The following ACBD5 variants were observed in gnomAD, a reference collection of about 807,000 sequenced individuals.
ACBD5 encodes the protein acyl-CoA-binding domain-containing protein 5.
In ACBD5, 40 loss-of-function variants were observed where a neutral mutation model predicts 71.8. The ratio of observed to expected loss-of-function variants is 0.56; its 90% CI spans 0.43 to 0.72. ACBD5 has a LOEUF of 0.72. ACBD5 is among the 30% of genes least tolerant of loss of function. ACBD5 has a pLI of 0.00. For missense variants in ACBD5, 559 were observed against 644.5 expected (o/e 0.87, Z 1.44); for synonymous variants, 229 against 218.6 (o/e 1.05, Z -0.42).
chr10:27,204,836 T>C (rs1235957308), intron 11 of ACBD5, among the ~76,000 whole-genome samples: 1 of 152,142 alleles, frequency 6.6e-6, no homozygotes, highest in Non-Finnish European at 1.5e-5. Context: ...TTGTAACATA[T>C]GAAACCATGG....
At chr10:27,190,487 A>G (rs1369118020), downstream of ACBD5, among the ~76,000 whole-genome samples, 1 of 152,180 alleles carries the variant, frequency 6.6e-6, no homozygotes, top group Non-Finnish European at 1.5e-5. Context: ...TGGAATATGT[A>G]CTTTAATTTT....
intron 12 of ACBD5, among the ~76,000 whole-genome samples, chr10:27,201,680 G>A (rs2059942124): frequency 6.6e-6 from 1 of 152,018 alleles, no homozygotes; most frequent in Non-Finnish European, 1.5e-5. Context: ...GCACATGCCT[G>A]TAGTTCCAGC....
chr10:27,216,790 C>T (rs755157585), intron 7 of ACBD5, among the ~76,000 whole-genome samples: 11 of 152,162 alleles, frequency 7.2e-5, no homozygotes, highest in Non-Finnish European at 1.3e-4. Context: ...GAGAAAACTA[C>T]CTACCAAGCA....
intron 10 of ACBD5, among the ~76,000 whole-genome samples, chr10:27,207,624 G>A (rs961772880): frequency 6.6e-6 from 1 of 152,164 alleles, no homozygotes; most frequent in African/African-American, 2.4e-5. Flanking sequence ...TACTCAAGAA[G>A]CGGCAGCTGA....
chr10:27,235,249 G>A (rs1191168466), intron 2 of ACBD5, 37 bp from the exon 3 acceptor site: 10 of 1,611,452 alleles, frequency 6.2e-6, no homozygotes, highest in Non-Finnish European at 6.8e-6. Context: ...ATCACCTGGG[G>A]AATACAACTG....
chr10:27,194,577 A>ATGTG (rs1332886220), downstream of ACBD5, among the ~76,000 whole-genome samples: 1 of 150,172 alleles, frequency 6.7e-6, no homozygotes, highest in Non-Finnish European at 1.5e-5. Context: ...ACACCACTGC[A>ATGTG]ATCCAGCCTG....
chr10:27,235,114 C>T lies in ACBD5; in HGVS notation c.280G>A (p.Asp94Asn), dbSNP rs1254181858. The T allele has an allele frequency of 6.2e-7, 1 of 1,613,920 alleles. No homozygotes were observed. The highest frequency in any genetic ancestry group is 1.1e-5 in the South Asian group (1 of 91,086). The change falls in exon 3 of 13, where the codon GAT (aspartate) becomes AAT (asparagine). Residue 94 changes from aspartate (D) to asparagine (N), a missense_variant. Transcript: ENST00000396271. ...PCKLSRPGFW[D>N]PIGRYKWDAW... The stretch of plus-strand genomic sequence containing the variant: ...TACCATTTATATCTTCCAATAGGAT[C>T]CCAAAATCCAGGCCTTGAAAGTTTA...
chr10:27,186,256 G>A lies in ACBD5; in HGVS notation c.1494-3541C>T, dbSNP rs181390916. On this transcript the variant is annotated intron_variant, in intron 13 of 13. Coordinates refer to the ACBD5 transcript ENST00000676511. ...TAACAGACATTAAACAAATGTCTGT[G>A]AAACTGACATAATAAAGTAAGGTAA... 6 of 1,012,454 alleles carry A rather than the reference G, an allele frequency of 5.9e-6. No homozygotes were observed. The South Asian group carries it at 8.1e-5, about 14-fold the overall frequency. 62.7% of individuals were successfully genotyped at this position (1,012,454 alleles called of 1,614,324 possible).
intron 10 of ACBD5, among the ~76,000 whole-genome samples, chr10:27,207,287 A>G (rs891340262): frequency 6.7e-5 from 1 of 14,950 alleles, no homozygotes; most frequent in Non-Finnish European, 2.8e-4. Flanking sequence ...AAAAAAACCC[A>G]TAATAATAAT....
intron 5 of ACBD5, among the ~76,000 whole-genome samples, chr10:27,222,781 G>T (rs1241745299): frequency 6.6e-6 from 1 of 152,066 alleles, no homozygotes; most frequent in African/African-American, 2.4e-5. Context: ...AAGTTGGCAA[G>T]TCTGGTCTTG....
intron 3 of ACBD5, among the ~76,000 whole-genome samples, chr10:27,232,048 G>A (rs1455104350): frequency 1.3e-5 from 2 of 152,086 alleles, no homozygotes; most frequent in African/African-American, 4.8e-5. Flanking sequence ...ATGTAGTAAT[G>A]TACCAGAGAC....
intron 5 of ACBD5, among the ~76,000 whole-genome samples, chr10:27,221,917 CAAAAA>C (rs56253187): frequency 7.8e-5 from 6 of 77,136 alleles, no homozygotes; most frequent in African/African-American, 2.0e-4. Context: ...GACTCCATCT[CAAAAA>C]AAAAAAAAAA....
At chr10:27,187,685 G>A (rs7080047) in intron 13 of ACBD5, among the ~76,000 whole-genome samples, 15,674 of 151,236 alleles carry the variant, frequency 0.1, 2,678 homozygotes, top group African/African-American at 0.36. Flanking sequence ...CCAGGAGGTG[G>A]AGATTGCAGT....
chr10:27,227,009 A>ATTTTTTTTTTTTTTGTTTTTTTT (rs2063143543), intron 4 of ACBD5, among the ~76,000 whole-genome samples: 1 of 78,392 alleles, frequency 1.3e-5, no homozygotes, highest in Non-Finnish European at 2.2e-5. Flanking sequence ...TTTTTTTGCG[A>ATTTTTTTTTTTTTTGTTTTTTTT]TTTTTTTTTT....
At chr10:27,206,408 G>T (rs919166608) in intron 10 of ACBD5, among the ~76,000 whole-genome samples, 7 of 151,854 alleles carry the variant, frequency 4.6e-5, no homozygotes, top group Non-Finnish European at 1.0e-4. Context: ...CTTGAGCTCA[G>T]GAGTTTGAGA....
intron 13 of ACBD5, among the ~76,000 whole-genome samples, chr10:27,188,006 G>GA (rs201233875): frequency 1.3e-5 from 2 of 151,800 alleles, no homozygotes; most frequent in East Asian, 3.9e-4. Context: ...ATTTCCGGGG[G>GA]AAAAAAAACT....
chr10:27,214,653 C>A (rs1334085740), intron 8 of ACBD5, among the ~76,000 whole-genome samples: 1 of 152,140 alleles, frequency 6.6e-6, no homozygotes, highest in Non-Finnish European at 1.5e-5. Flanking sequence ...TTTTCTCTCC[C>A]AATACTGGAT....
In ACBD5 at chr10:27,223,236, C is replaced by A. The variant is rs752605083; in HGVS notation, c.490+102G>T. On this transcript the variant is annotated intron_variant, in intron 5 of 12. Coordinates refer to ENST00000396271, the MANE Select transcript of ACBD5 (RefSeq NM_145698.5). ...TAAACATTTAGAGATTTTCTCCAGT[C>A]GGACTGGCGCGTGAAAGTAAGAAAA... 11 of 829,284 alleles carry A rather than the reference C, an allele frequency of 1.3e-5. No homozygotes were observed. In the African/African-American group the frequency reaches 1.4e-4, roughly 10 times the overall value. 51.4% of individuals were successfully genotyped at this position (829,284 alleles called of 1,614,324 possible).
intron 8 of ACBD5, among the ~76,000 whole-genome samples, chr10:27,213,483 C>G (rs1167197271): frequency 6.6e-6 from 1 of 152,090 alleles, no homozygotes; most frequent in East Asian, 1.9e-4. Flanking sequence ...ACAAGCCGGG[C>G]GTGGTGGCTC....
Sources: allele counts gnomAD v4.1 joint callset (sites outside exome capture counted in the v4.1 genomes callset), GRCh38; gene constraint gnomAD v4.1.1; transcripts MANE v1.5; gene names NCBI Gene and HGNC (gene_info 2026-07-23, HGNC 2026-07-21).